Variants in LRRC25 observed in about 807,000 individuals in gnomAD.
LRRC25 encodes the protein leucine-rich repeat-containing protein 25.
A neutral mutation model predicts 18.8 loss-of-function variants in LRRC25; 5 were observed. The observed-to-expected ratio is 0.27, with a 90% confidence interval of 0.14 to 0.56. The LOEUF is 0.56. Among genes scored for constraint, LRRC25 ranks in the 20% least tolerant of loss-of-function variants. The pLI, the probability that LRRC25 is intolerant of heterozygous loss-of-function variation, is 0.93. For missense variants in LRRC25, 341 were observed against 389.8 expected, an observed-to-expected ratio of 0.87 and a Z score of 1.05; for synonymous variants, 161 against 176.8, an observed-to-expected ratio of 0.91 and a Z score of 0.71.
chr19:18,393,958 A>C (rs887498546), intron 1 of LRRC25, among the ~76,000 whole-genome samples: 6 of 152,190 alleles, frequency 3.9e-5, no homozygotes, highest in Non-Finnish European at 8.8e-5. Context: ...TTGCGAGTCC[A>C]GTGTCTTCAA....
Position 18,396,644 on chromosome 19 carries a change from C to T in LRRC25, c.320G>A (p.Arg107His), listed in dbSNP as rs772139017. 2.0e-5 allele frequency: 33 copies of T among 1,614,044 alleles called. No individual in the cohort carries two copies. Among genetic ancestry groups the T allele is most frequent in the African/African-American group, 2.7e-5 (2 of 75,068 alleles). ...GTCGGCCTGCAGGTCAAGGTCACAG[C>T]GGGCGGCCAGCGCCCCATCCACACG... ...LSRVDGALAA[R>H]CDLDLQADCN... is the part of the protein sequence containing the mutation. The change falls in exon 1 of 2, where the codon CGC becomes CAC. Residue 107 changes from arginine (R) to histidine (H), a missense_variant. Physicochemically the swap from Arg to His is conservative, Grantham distance 29. Transcript: ENST00000339007.
In LRRC25 at chr19:18,391,609, A is replaced by C. The variant is rs968641373; in HGVS notation, c.*378T>G. The C allele has an allele frequency of 1.7e-5, 3 of 171,446 alleles. No homozygotes were observed. The highest frequency in any genetic ancestry group is 2.5e-5 in the Non-Finnish European group (2 of 78,540). 10.6% of individuals were successfully genotyped at this position (171,446 alleles called of 1,614,324 possible). ...AGGTGGGGAGCAATTTGGGAGTCTC[A>C]GATGGAGACTTGGTCTTAGAACTCA... is the stretch of plus-strand genomic sequence containing the variant. On this transcript the variant is annotated 3_prime_UTR_variant, in exon 2 of 2. Transcript: ENST00000339007.
At chr19:18,393,862 T>C (rs907675324) in intron 1 of LRRC25, among the ~76,000 whole-genome samples, 2 of 152,102 alleles carry the variant, frequency 1.3e-5, no homozygotes, top group African/African-American at 4.8e-5. Context: ...AAACACAGTG[T>C]TTCTGGAGGC....
At position 18,396,426 on chromosome 19, in the gene LRRC25, C is replaced by A. The variant is rs928008769; in HGVS notation, c.538G>T (p.Ala180Ser). The change falls in exon 1 of 2, where the codon GCC (alanine) becomes TCC (serine). Residue 180 changes from alanine (A) to serine (S), a missense_variant. By Grantham distance (99) the Ala-to-Ser change is moderately conservative. Transcript: ENST00000339007. ...VVSGCLLLGLAIAGPVLAWRL... is the reference protein window; with the variant it reads ...VVSGCLLLGLSIAGPVLAWRL... ...CAGGCCAGCACAGGGCCAGCGATGG[C>A]AAGTCCAAGAAGCAGGCACCCGCTG... 2 of 1,613,330 alleles carry A rather than the reference C, an allele frequency of 1.2e-6. No individual in the cohort carries two copies. The highest frequency in any genetic ancestry group is 2.7e-5 in the African/African-American group (2 of 74,942).
rs1971973572 is a variant in LRRC25, at chr19:18,396,635, A to G, written c.329T>C (p.Leu110Pro). ...ACAGTTGCAGTCGGCCTGCAGGTCA[A>G]GGTCACAGCGGGCGGCCAGCGCCCC... Reference protein sequence around the residue: ...VDGALAARCDLDLQADCNCAL... With the variant: ...VDGALAARCDPDLQADCNCAL... Residue 110 changes from leucine to proline, a missense_variant, in exon 1 of 2, where the codon CTT becomes CCT. Transcript: ENST00000339007. 3 of 1,614,094 alleles carry G rather than the reference A, an allele frequency of 1.9e-6. No homozygotes were observed. The highest frequency in any genetic ancestry group is 2.5e-6 in the Non-Finnish European group (3 of 1,180,038).
chr19:18,396,324 C>T lies in LRRC25; in HGVS notation c.640G>A (p.Gly214Ser), dbSNP rs1181929782. Residue 214 changes from glycine to serine, a missense_variant, in exon 1 of 2, where the codon GGT (glycine) becomes AGT (serine). Gly to Ser is a moderately conservative substitution (Grantham distance 56). Transcript: ENST00000339007. ...CCGTACCGTGGCTGCAAGCCTAAAC[C>T]GGGCTTGGGCCCATCCTGAGCAGCC... is the stretch of plus-strand genomic sequence containing the variant. ...PWAAQDGPKP[G>S]LGLQPRYGSR... is the part of the protein sequence containing the mutation. The T allele has an allele frequency of 5.6e-6, 9 of 1,613,908 alleles. 1 individual carries two copies. Among genetic ancestry groups the T allele is most frequent in the South Asian group, 4.4e-5 (4 of 91,076 alleles).
At position 18,396,442 on chromosome 19, in the gene LRRC25, G is replaced by A. The variant is rs764227620; in HGVS notation, c.522C>T (p.Cys174=). 2.3e-5 allele frequency: 37 copies of A among 1,613,322 alleles called. No homozygotes were observed. The highest frequency in any genetic ancestry group is 2.8e-5 in the Non-Finnish European group (33 of 1,180,030). The change falls in exon 1 of 2, where the codon TGC becomes TGT. Residue 174 remains cysteine, a synonymous_variant. Transcript: ENST00000339007. Reference sequence around the variant, plus strand: ...CAGCGATGGCAAGTCCAAGAAGCAGGCACCCGCTGACCACCACTGCCCCGA... The same window carrying A: ...CAGCGATGGCAAGTCCAAGAAGCAGACACCCGCTGACCACCACTGCCCCGA... ...ATIGAVVVSG[C]LLLGLAIAGP... is the part of the protein sequence containing the mutation.
chr19:18,395,087 G>A (rs935113050), intron 1 of LRRC25, among the ~76,000 whole-genome samples: 1 of 151,350 alleles, frequency 6.6e-6, no homozygotes, highest in Non-Finnish European at 1.5e-5. Flanking sequence ...AAAAAAAAAT[G>A]TCGGCTGGGC....
chr19:18,393,847 A>C (rs1179606314), intron 1 of LRRC25, among the ~76,000 whole-genome samples: 1 of 152,118 alleles, frequency 6.6e-6, no homozygotes, highest in Non-Finnish European at 1.5e-5. Context: ...GACACAGTCA[A>C]TTCTAAACAC....
At position 18,396,825 on chromosome 19, in the gene LRRC25, CA is replaced by C; in HGVS notation, c.138del (p.Ser46ArgfsTer5). 1 of 1,614,016 alleles carries C rather than the reference CA, an allele frequency of 6.2e-7. No homozygotes were observed. Among genetic ancestry groups the C allele is most frequent in the Non-Finnish European group, 8.5e-7 (1 of 1,180,038 alleles). On this transcript the variant is annotated frameshift_variant, in exon 1 of 2. Transcript: ENST00000339007. Reference sequence around the variant, plus strand: ...TTGTGAGGCAGGCTCAGGCTGAGGCCACTGAAATTCAGGCACGTGGCACTGA... The same window carrying C: ...TTGTGAGGCAGGCTCAGGCTGAGGCCCTGAAATTCAGGCACGTGGCACTGA... ...AEFSATCLNF[S>X]GLSLSLPHNQ...
At chr19:18,395,869 C>A (rs201068601) in intron 1 of LRRC25, among the ~76,000 whole-genome samples, 1 of 152,072 alleles carries the variant, frequency 6.6e-6, no homozygotes. Flanking sequence ...CACAGGCGCC[C>A]GCCACCACAC....
Position 18,397,039 on chromosome 19 carries a change from G to A in LRRC25, c.-76C>T. 1 of 1,433,192 alleles carries A rather than the reference G, an allele frequency of 7.0e-7. No individual in the cohort carries two copies. The highest frequency in any genetic ancestry group is 9.4e-7 in the Non-Finnish European group (1 of 1,063,790). 88.8% of individuals were successfully genotyped at this position (1,433,192 alleles called of 1,614,324 possible). A position where few individuals can be genotyped will look rare whatever the true frequency, so the allele number is the denominator to read the frequency against. On this transcript the variant is annotated 5_prime_UTR_variant, in exon 1 of 2. Coordinates refer to ENST00000339007, the MANE Select transcript of LRRC25 (RefSeq NM_145256.3). ...GTGGTCGCCCTCGCCTCCACCGCCA[G>A]TGTTTATTATTATAGCTCAGACCAG...
rs1388829080 is a variant in LRRC25, at chr19:18,396,907, G to A, written c.57C>T (p.Asp19=). The part of the protein sequence containing the change: ...LLLPLLLRES[D]SLEPSCTVSS... ...ACACGGTGCACGACGGTTCTAGGCT[G>A]TCTGACTCCCGCAGCAGCAGCGGCA... The change falls in exon 1 of 2, where the codon GAC becomes GAT. Residue 19 remains aspartate, a synonymous_variant. Coordinates refer to ENST00000339007, the MANE Select transcript of LRRC25 (RefSeq NM_145256.3). The A allele has an allele frequency of 9.9e-6, 16 of 1,612,498 alleles. No individual in the cohort carries two copies. Among genetic ancestry groups the A allele is most frequent in the Non-Finnish European group, 1.4e-5 (16 of 1,179,204 alleles).
At position 18,396,591 on chromosome 19, in the gene LRRC25, C is replaced by T. The variant is rs1971972918; in HGVS notation, c.373G>A (p.Asp125Asn). Residue 125 changes from aspartate (D) to asparagine (N), a missense_variant, in exon 1 of 2, where the codon GAC becomes AAC. Physicochemically the swap from Asp to Asn is conservative, Grantham distance 23 (BLOSUM62 1). Transcript: ENST00000339007. ...DCNCALESWH[D>N]IRRDNCSGQK... is the part of the protein sequence containing the mutation. ...CCAGAGCAGTTGTCTCGGCGGATGT[C>T]GTGCCAGGACTCCAGGGCACAGTTG... 6.2e-7 allele frequency: 1 copy of T among 1,613,884 alleles called. No individual in the cohort carries two copies. Among genetic ancestry groups the T allele is most frequent in the Non-Finnish European group, 8.5e-7 (1 of 1,180,038 alleles).
intron 1 of LRRC25, among the ~76,000 whole-genome samples, chr19:18,392,596 A>C (rs1013638017): frequency 1.3e-5 from 2 of 151,844 alleles, no homozygotes; most frequent in Admixed American, 1.3e-4. Context: ...AGCCAACCCC[A>C]CCTCTCTCTG....
At position 18,394,734 on chromosome 19, in the gene LRRC25, G is replaced by A. The variant is rs565749208; in HGVS notation, c.779+1451C>T. 4.6e-5 allele frequency among the ~76,000 whole-genome samples: 7 copies of A among 152,218 alleles called. No homozygotes were observed. In the South Asian group the frequency reaches 6.2e-4, roughly 14 times the overall value. On this transcript the variant is annotated intron_variant, in intron 1 of 1. Transcript: ENST00000339007. ...GCTGGGATTATAGGCATGAGCCACC[G>A]CACCCCACACCAACCTAGAAAAGTT...
rs1971973109 is a variant in LRRC25, at chr19:18,396,612, A to G, written c.352T>C (p.Cys118Arg). 1.9e-6 allele frequency: 3 copies of G among 1,613,892 alleles called. No homozygotes were observed. The Admixed American group carries it at 5.0e-5, about 27-fold the overall frequency. The stretch of plus-strand genomic sequence containing the variant: ...ATGTCGTGCCAGGACTCCAGGGCAC[A>G]GTTGCAGTCGGCCTGCAGGTCAAGG... Reference protein sequence around the residue: ...CDLDLQADCNCALESWHDIRR... With the variant: ...CDLDLQADCNRALESWHDIRR... The change falls in exon 1 of 2, where the codon TGT (cysteine) becomes CGT (arginine). Residue 118 changes from cysteine to arginine, a missense_variant. Physicochemically the swap from Cys to Arg is radical, Grantham distance 180. Transcript: ENST00000339007.
At chr19:18,394,391 C>G (rs1290482501) in intron 1 of LRRC25, among the ~76,000 whole-genome samples, 1 of 151,528 alleles carries the variant, frequency 6.6e-6, no homozygotes, top group Non-Finnish European at 1.5e-5. Flanking sequence ...CTGCAACCTC[C>G]ACCTCCTGGG....
intron 1 of LRRC25, among the ~76,000 whole-genome samples, chr19:18,395,828 C>T (rs1172097980): frequency 2.0e-5 from 3 of 152,212 alleles, no homozygotes; most frequent in Non-Finnish European, 4.4e-5. Flanking sequence ...TCAAGAGATT[C>T]TCTTGCCTCA....
Sources: gnomAD v4.1 joint callset for allele counts (sites outside exome capture counted in the v4.1 genomes callset) on GRCh38, gnomAD v4.1.1 for gene constraint, MANE v1.5 for transcripts, NCBI Gene and HGNC (gene_info 2026-07-23, HGNC 2026-07-21) for gene names.